EVA1C: variants seen among roughly 807,000 people sequenced by gnomAD.
EVA1C encodes protein eva-1 homolog C.
EVA1C carries 25 observed loss-of-function variants against 45.4 expected under a neutral mutation model. That is an observed-to-expected ratio of 0.55 (90% CI 0.40 to 0.77). EVA1C has a LOEUF of 0.77. Among genes scored for constraint, EVA1C ranks in the 30% least tolerant of loss-of-function variants. The probability of loss-of-function intolerance (pLI) is 0.00; values close to 1 mark genes in which losing one functional copy is unlikely to be tolerated. For missense variants in EVA1C, 479 were observed against 554.8 expected, an observed-to-expected ratio of 0.86 and a Z score of 1.37; for synonymous variants, 190 against 221.2, an observed-to-expected ratio of 0.86 and a Z score of 1.25.
In EVA1C at chr21:32,515,279, T is replaced by C; in HGVS notation, c.*89T>C. On this transcript the variant is annotated 3_prime_UTR_variant, in exon 8 of 8. Coordinates refer to ENST00000300255, the MANE Select transcript of EVA1C (RefSeq NM_058187.5). Reference sequence around the variant, plus strand: ...AGTTCTGGTTCACCTGTACCTTCTATGAAGGAGAATTCGTCATGTCATTCA... The same window carrying C: ...AGTTCTGGTTCACCTGTACCTTCTACGAAGGAGAATTCGTCATGTCATTCA... The C allele has an allele frequency of 7.2e-7, 1 of 1,386,148 alleles. No homozygotes were observed. The highest frequency in any genetic ancestry group is 9.8e-7 in the Non-Finnish European group (1 of 1,024,092). The allele number at this position is 1,386,148 out of a possible 1,614,324, so 85.9% of individuals were successfully genotyped here.
chr21:32,427,300 T>C (rs2034525901), intron 1 of EVA1C, among the ~76,000 whole-genome samples: 1 of 152,240 alleles, frequency 6.6e-6, no homozygotes, highest in Non-Finnish European at 1.5e-5. Flanking sequence ...CAGAGCATCT[T>C]CTTGCAAGAC....
intron 1 of EVA1C, among the ~76,000 whole-genome samples, chr21:32,419,669 C>T (rs1391788982): frequency 2.0e-5 from 3 of 152,110 alleles, no homozygotes; most frequent in Admixed American, 2.0e-4. Context: ...GAGCCGAAAT[C>T]GTGCTTCTGC....
chr21:32,472,985 G>T (rs2036430869), intron 4 of EVA1C, among the ~76,000 whole-genome samples: 1 of 152,206 alleles, frequency 6.6e-6, no homozygotes, highest in Admixed American at 6.5e-5. Context: ...AGCCCTTCTT[G>T]CCCTGTGCTC....
chr21:32,438,972 A>G (rs1323200183), intron 1 of EVA1C, among the ~76,000 whole-genome samples: 1 of 152,168 alleles, frequency 6.6e-6, no homozygotes, highest in East Asian at 1.9e-4. Flanking sequence ...TCGGTGGCTC[A>G]TGCCTGTAAT....
Position 32,447,368 on chromosome 21 carries a change from C to A in EVA1C, c.161-5944C>A, listed in dbSNP as rs558090801. ...TGGGTGACAAAGGGAGACTCCGTCT[C>A]GGTGGGGGGAAAAGGAAAGAAATCT... On this transcript the variant is annotated intron_variant, in intron 1 of 7. Transcript: ENST00000300255. Among the ~76,000 whole-genome samples, 7 of 151,890 alleles carry A rather than the reference C, an allele frequency of 4.6e-5. 1 individual carries two copies. In the Middle Eastern group the frequency reaches 0.017, roughly 372 times the overall value.
At chr21:32,494,570 G>A (rs561517740) in intron 4 of EVA1C, among the ~76,000 whole-genome samples, 7 of 152,274 alleles carry the variant, frequency 4.6e-5, no homozygotes, top group South Asian at 2.1e-4. Context: ...ATCACTGGAG[G>A]TCAGGAGTTT....
At chr21:32,442,017 C>A (rs1468299098) in intron 1 of EVA1C, among the ~76,000 whole-genome samples, 3 of 152,198 alleles carry the variant, frequency 2.0e-5, no homozygotes, top group Non-Finnish European at 4.4e-5. Flanking sequence ...TGGCAAACAT[C>A]ATTTCTGCCC....
intron 1 of EVA1C, among the ~76,000 whole-genome samples, chr21:32,419,733 A>G (rs1206476914): frequency 1.3e-5 from 2 of 151,642 alleles, no homozygotes; most frequent in Non-Finnish European, 2.9e-5. Context: ...CAAACAAAAA[A>G]CAAAAACAAA....
In EVA1C at chr21:32,412,753, G is replaced by GATTT; in HGVS notation, c.-101_-100insATTT. On this transcript the variant is annotated 5_prime_UTR_variant, in exon 1 of 8. Coordinates refer to ENST00000300255, the MANE Select transcript of EVA1C (RefSeq NM_058187.5). Reference sequence around the variant, plus strand: ...CAGGGAGGCGGCGGGGGGCCGCGGAGCCGCTGGCCATCGATTCTCCCCGCC... The same window carrying GATTT: ...CAGGGAGGCGGCGGGGGGCCGCGGAGATTTCCGCTGGCCATCGATTCTCCCCGCC... 8.4e-7 allele frequency: 1 copy of GATTT among 1,190,874 alleles called. No individual in the cohort carries two copies. Among genetic ancestry groups the GATTT allele is most frequent in the Non-Finnish European group, 1.1e-6 (1 of 925,152 alleles). The allele number at this position is 1,190,874 out of a possible 1,614,324, so 73.8% of individuals were successfully genotyped here.
chr21:32,411,812 C>A (rs1166910010), upstream of EVA1C, among the ~76,000 whole-genome samples: 1 of 152,228 alleles, frequency 6.6e-6, no homozygotes, highest in Non-Finnish European at 1.5e-5. Flanking sequence ...GGTACCCGCA[C>A]CCGGCAAGCA....
intron 1 of EVA1C, among the ~76,000 whole-genome samples, chr21:32,448,687 T>A (rs1304669576): frequency 6.6e-6 from 1 of 151,976 alleles, no homozygotes; most frequent in Admixed American, 6.6e-5. Flanking sequence ...GGCGGGCAGA[T>A]CACGAGGTCA....
In EVA1C at chr21:32,415,565, C is replaced by T. The variant is rs1019043502; in HGVS notation, c.160+2552C>T. ...TTTTCCTGGGGCTGTCAGCTGGTGT[C>T]GTTTTCCTGGGTCATTGATTTTTTT... On this transcript the variant is annotated intron_variant, in intron 1 of 7. Transcript: ENST00000300255. Among the ~76,000 whole-genome samples, 5 of 152,136 alleles carry T rather than the reference C, an allele frequency of 3.3e-5. No individual in the cohort carries two copies. In the East Asian group the frequency reaches 7.7e-4, roughly 24 times the overall value.
intron 1 of EVA1C, among the ~76,000 whole-genome samples, chr21:32,416,324 T>TC (rs1262327863): frequency 5.2e-5 from 7 of 135,398 alleles, no homozygotes; most frequent in East Asian, 2.6e-4. Flanking sequence ...TCTTTTTCTT[T>TC]TTTTTTTTTT....
intron 3 of EVA1C, among the ~76,000 whole-genome samples, chr21:32,459,838 C>CAAAAAA (rs35572319): frequency 4.7e-5 from 3 of 63,176 alleles, no homozygotes; most frequent in Non-Finnish European, 6.4e-5. Flanking sequence ...GAGACTGTCT[C>CAAAAAA]AAAAAAAAAA....
intron 4 of EVA1C, among the ~76,000 whole-genome samples, chr21:32,481,964 G>A (rs1053064217): frequency 6.6e-6 from 1 of 152,140 alleles, no homozygotes; most frequent in Non-Finnish European, 1.5e-5. Context: ...CTAAATTGAC[G>A]AAGTCCCAAA....
intron 1 of EVA1C, among the ~76,000 whole-genome samples, chr21:32,437,015 C>G (rs76040590): frequency 0.16 from 24,261 of 151,532 alleles, 2,129 homozygotes; most frequent in East Asian, 0.26. Context: ...TAAAAATTAG[C>G]CGGGCGTGGT....
chr21:32,485,992 G>C (rs367913763), intron 4 of EVA1C, among the ~76,000 whole-genome samples: 1 of 152,176 alleles, frequency 6.6e-6, no homozygotes, highest in Non-Finnish European at 1.5e-5. Context: ...GTAAGGTTTC[G>C]GCATAAACAG....
intron 3 of EVA1C, among the ~76,000 whole-genome samples, chr21:32,464,737 G>A (rs975215235): frequency 2.6e-5 from 4 of 152,146 alleles, no homozygotes; most frequent in Admixed American, 6.5e-5. Flanking sequence ...CAGGAGAATC[G>A]CTTGAGCCTG....
intron 3 of EVA1C, among the ~76,000 whole-genome samples, chr21:32,466,291 T>C (rs8129434): frequency 0.61 from 92,702 of 151,510 alleles, 31,111 homozygotes; most frequent in African/African-American, 0.89. Flanking sequence ...TGGTGGCGGG[T>C]GCCTGTAGTC....
Sources: gnomAD v4.1 joint callset for allele counts (sites outside exome capture counted in the v4.1 genomes callset) on GRCh38, gnomAD v4.1.1 for gene constraint, MANE v1.5 for transcripts, NCBI Gene and HGNC (gene_info 2026-07-23, HGNC 2026-07-21) for gene names.